Variants in TMC1 observed in about 807,000 individuals in gnomAD.
TMC1 encodes the protein transmembrane channel-like protein 1.
Under a neutral mutation model 105.8 loss-of-function variants are expected in TMC1, and 84 were observed. The ratio of observed to expected loss-of-function variants is 0.79; its 90% CI spans 0.67 to 0.95. The LOEUF is 0.95. TMC1 is among the 40% of genes least tolerant of loss of function. TMC1 has a pLI of 0.00. For missense variants in TMC1, 817 were observed against 914.1 expected, an observed-to-expected ratio of 0.89 and a Z score of 1.37; for synonymous variants, 315 against 311.5, an observed-to-expected ratio of 1.01 and a Z score of -0.12.
At chr9:72,824,158 C>T (rs1016347289) in intron 20 of TMC1, among the ~76,000 whole-genome samples, 1 of 152,212 alleles carries the variant, frequency 6.6e-6, no homozygotes, top group Non-Finnish European at 1.5e-5. Context: ...ATGTGGGGCC[C>T]GTGGCCAGAC....
chr9:72,655,703 C>A (rs905887170), intron 5 of TMC1: 1 of 418,180 alleles, frequency 2.4e-6, no homozygotes, highest in South Asian at 2.3e-5. Flanking sequence ...GATCGCGCCA[C>A]TGCACTCCAG....
rs920525038 is a variant in TMC1, at chr9:72,796,018, C to CA, written c.1566+3676dup. Among the ~76,000 whole-genome samples, 1,106 of 144,666 alleles carry CA rather than the reference C, an allele frequency of 7.6e-3. 6 individuals are homozygous for CA. Among genetic ancestry groups the CA allele is most frequent in the African/African-American group, 0.02 (800 of 39,352 alleles). 94.9% of individuals were successfully genotyped at this position (144,666 alleles called of 152,430 possible). A position where few individuals can be genotyped will look rare whatever the true frequency, so the allele number is the denominator to read the frequency against. On this transcript the variant is annotated intron_variant, in intron 17 of 23. Coordinates refer to ENST00000297784, the MANE Select transcript of TMC1 (RefSeq NM_138691.3). ...TTATTGAAATTAAAATTCCCAATTT[C>CA]AAAAAAAAAATGCAAAAAACAAAAC...
chr9:72,836,976 G>A lies in TMC1; in HGVS notation c.*1003G>A, dbSNP rs1829135799. 1 of 152,234 alleles carries A rather than the reference G, an allele frequency of 6.6e-6. No homozygotes were observed. 9.4% of individuals were successfully genotyped at this position (152,234 alleles called of 1,614,324 possible). ...TAAAATATACTTGGAAGAGAGCCAA[G>A]TGGGCAAATTGAGAGTTCCAAGTGC... is the stretch of plus-strand genomic sequence containing the variant. On this transcript the variant is annotated 3_prime_UTR_variant, in exon 24 of 24. Coordinates refer to ENST00000297784, the MANE Select transcript of TMC1 (RefSeq NM_138691.3).
intron 10 of TMC1, among the ~76,000 whole-genome samples, chr9:72,751,294 G>C (rs866081019): frequency 6.6e-6 from 1 of 152,192 alleles, no homozygotes; most frequent in African/African-American, 2.4e-5. Flanking sequence ...ATGAATTTCA[G>C]CTTTTATACC....
At chr9:72,740,044 A>G in intron 8 of TMC1, 75 bp from the exon 9 acceptor site, 1 of 1,153,832 alleles carries the variant, frequency 8.7e-7, no homozygotes, top group Non-Finnish European at 1.3e-6. Flanking sequence ...GGTAAATTCA[A>G]ATGTCCACTA....
intron 17 of TMC1, among the ~76,000 whole-genome samples, chr9:72,796,031 C>CA (rs951971308): frequency 2.6e-5 from 4 of 151,094 alleles, no homozygotes; most frequent in African/African-American, 9.7e-5. Flanking sequence ...AAAAAAAATG[C>CA]AAAAAACAAA....
chr9:72,525,624 A>C (rs981323621), intron 1 of TMC1, among the ~76,000 whole-genome samples: 2 of 152,194 alleles, frequency 1.3e-5, no homozygotes, highest in Non-Finnish European at 2.9e-5. Context: ...GGCTCAGTGG[A>C]TGGATCATCA....
chr9:72,797,501 G>C (rs1828391655), intron 17 of TMC1, among the ~76,000 whole-genome samples: 1 of 152,160 alleles, frequency 6.6e-6, no homozygotes, highest in Non-Finnish European at 1.5e-5. Flanking sequence ...AAACAGCATG[G>C]TACTGGTGCA....
intron 1 of TMC1, among the ~76,000 whole-genome samples, chr9:72,576,747 G>A (rs1824388724): frequency 6.6e-6 from 1 of 151,026 alleles, no homozygotes; most frequent in South Asian, 2.1e-4. Context: ...CTCCTGCTCA[G>A]CCTCTCGAGT....
intron 1 of TMC1, among the ~76,000 whole-genome samples, chr9:72,563,825 C>T (rs1007472550): frequency 7.3e-6 from 1 of 136,666 alleles, no homozygotes; most frequent in Non-Finnish European, 1.5e-5. Context: ...GCTTGAACCT[C>T]GAAGGTGGAG....
intron 8 of TMC1, among the ~76,000 whole-genome samples, chr9:72,709,267 T>G (rs1390104028): frequency 6.6e-6 from 1 of 152,196 alleles, no homozygotes; most frequent in Non-Finnish European, 1.5e-5. Flanking sequence ...GGTTAGCTAG[T>G]ATTTTGTTAA....
intron 1 of TMC1, among the ~76,000 whole-genome samples, chr9:72,550,427 C>T (rs1041756977): frequency 6.6e-6 from 1 of 151,796 alleles, no homozygotes; most frequent in African/African-American, 2.4e-5. Flanking sequence ...CATATCGTGC[C>T]ACTGCACTCT....
intron 5 of TMC1, 97 bp from the exon 6 acceptor site, chr9:72,688,612 C>A: frequency 1.7e-6 from 2 of 1,209,646 alleles, no homozygotes; most frequent in Non-Finnish European, 2.4e-6. Flanking sequence ...ATTAACTGCA[C>A]AAAAACATTA....
At chr9:72,819,231 C>T (rs1203122496) in intron 19 of TMC1, among the ~76,000 whole-genome samples, 1 of 152,186 alleles carries the variant, frequency 6.6e-6, no homozygotes. Flanking sequence ...GAAAACCACA[C>T]AGGACTTTTA....
intron 12 of TMC1, among the ~76,000 whole-genome samples, chr9:72,767,126 G>A (rs967793254): frequency 6.6e-6 from 1 of 152,222 alleles, no homozygotes; most frequent in Admixed American, 6.5e-5. Context: ...ATGCTAAGGT[G>A]TAAATAACCA....
intron 18 of TMC1, chr9:72,808,924 C>T (rs1384484721): frequency 6.6e-6 from 1 of 152,268 alleles, no homozygotes; most frequent in African/African-American, 2.4e-5. Context: ...ATAAGGTCGT[C>T]TCCATCACCC....
chr9:72,636,997 T>C (rs185199229), intron 4 of TMC1, among the ~76,000 whole-genome samples: 1 of 151,638 alleles, frequency 6.6e-6, no homozygotes, highest in Non-Finnish European at 1.5e-5. Flanking sequence ...TTAATAGTGC[T>C]GTTATTGAGA....
chr9:72,817,612 G>A (rs933753012), intron 19 of TMC1, among the ~76,000 whole-genome samples: 10 of 152,234 alleles, frequency 6.6e-5, no homozygotes, highest in Admixed American at 3.9e-4. Context: ...TACCATTCAC[G>A]CAGACATATG....
intron 1 of TMC1, among the ~76,000 whole-genome samples, chr9:72,573,194 A>G (rs7851328): frequency 0.013 from 1,971 of 152,208 alleles, 54 homozygotes; most frequent in African/African-American, 0.044. Flanking sequence ...ATAACCCATC[A>G]AACTCTTCTT....
Sources: gnomAD v4.1 joint callset for allele counts (sites outside exome capture counted in the v4.1 genomes callset) on GRCh38, gnomAD v4.1.1 for gene constraint, MANE v1.5 for transcripts, NCBI Gene and HGNC (gene_info 2026-07-23, HGNC 2026-07-21) for gene names.